Variants in PARD3B observed in about 807,000 individuals in gnomAD.
The protein encoded by PARD3B is partitioning defective 3 homolog B.
PARD3B carries 103 observed loss-of-function variants against 130.2 expected under a neutral mutation model. The ratio of observed to expected loss-of-function variants is 0.79; its 90% CI spans 0.67 to 0.93. PARD3B has a LOEUF of 0.93. PARD3B is among the 40% of genes least tolerant of loss of function. PARD3B has a pLI of 0.00. For missense variants in PARD3B, 1,609 were observed against 1,499.2 expected, an observed-to-expected ratio of 1.07 and a Z score of -1.21; for synonymous variants, 583 against 553.2, an observed-to-expected ratio of 1.05 and a Z score of -0.76.
rs1225208073 is a variant in PARD3B, at chr2:205,470,889, T to A, written c.3045-29007T>A. 6.6e-6 allele frequency among the ~76,000 whole-genome samples: 1 copy of A among 152,234 alleles called. No individual in the cohort carries two copies. The highest frequency in any genetic ancestry group is 6.5e-5 in the Admixed American group (1 of 15,282). ...GACAAGTAGACATGGAAGGATACTT[T>A]AAAACAAAGTGTGTTTTCAAGTGTT... is the stretch of plus-strand genomic sequence containing the variant. On this transcript the variant is annotated intron_variant, in intron 20 of 22. Transcript: ENST00000406610. The surrounding 1 kb of genome is among the most constrained non-coding windows in gnomAD (Gnocchi z 4.8).
intron 1 of PARD3B, among the ~76,000 whole-genome samples, chr2:204,624,743 A>G (rs528375219): frequency 2.7e-4 from 41 of 152,270 alleles, no homozygotes; most frequent in Non-Finnish European, 5.3e-4. Flanking sequence ...CTCTGAGATA[A>G]AGGCCCAGGG....
chr2:204,927,048 G>C (rs1687673996), intron 2 of PARD3B, among the ~76,000 whole-genome samples: 1 of 152,056 alleles, frequency 6.6e-6, no homozygotes, highest in African/African-American at 2.4e-5. Context: ...CCAAAGATGG[G>C]ATTAGAAAAA....
intron 2 of PARD3B, among the ~76,000 whole-genome samples, chr2:204,909,845 T>C (rs2047170855): frequency 6.6e-6 from 1 of 152,230 alleles, no homozygotes; most frequent in Admixed American, 6.5e-5. Flanking sequence ...ATTAATACAA[T>C]ATTTCCTTTA....
At chr2:205,224,426 C>T (rs1358256301) in intron 15 of PARD3B, among the ~76,000 whole-genome samples, 1 of 131,438 alleles carries the variant, frequency 7.6e-6, no homozygotes, top group Non-Finnish European at 1.6e-5. Flanking sequence ...AAAAAAAGTA[C>T]AATAAATTAT....
chr2:205,593,562 T>G (rs925294032), intron 22 of PARD3B, among the ~76,000 whole-genome samples: 3 of 152,182 alleles, frequency 2.0e-5, no homozygotes, highest in African/African-American at 7.2e-5. Flanking sequence ...ATAAAACAAT[T>G]AAAGGGCTAG....
At chr2:205,030,393 T>C (rs755223252) in intron 3 of PARD3B, among the ~76,000 whole-genome samples, 5 of 152,172 alleles carry the variant, frequency 3.3e-5, no homozygotes, top group Non-Finnish European at 7.3e-5. Flanking sequence ...ATTGAGTTGT[T>C]TGAATGCTGA....
intron 2 of PARD3B, among the ~76,000 whole-genome samples, chr2:204,833,398 G>C (rs181452460): frequency 6.0e-4 from 92 of 152,166 alleles, no homozygotes; most frequent in Middle Eastern, 6.8e-3. Context: ...CTGCTTCCCA[G>C]ATCAATATTG....
At position 205,585,248 on chromosome 2, in the gene PARD3B, C is replaced by T. The variant is rs79874822; in HGVS notation, c.3261-30208C>T. Reference sequence around the variant, plus strand: ...GAGATGAAAATGTGTATGCCCTATCCCACAAAGTAAATGCTGTCTTGGGCT... The same window carrying T: ...GAGATGAAAATGTGTATGCCCTATCTCACAAAGTAAATGCTGTCTTGGGCT... On this transcript the variant is annotated intron_variant, in intron 22 of 22. Coordinates refer to ENST00000406610, the MANE Select transcript of PARD3B (RefSeq NM_001302769.2). This position sits in a 1 kb window ranked among gnomAD's most constrained non-coding sequence, Gnocchi z 5.4. Among the ~76,000 whole-genome samples, 788 of 152,222 alleles carry T rather than the reference C, an allele frequency of 5.2e-3. 2 individuals carry two copies. The highest frequency in any genetic ancestry group is 0.01 in the Middle Eastern group (3 of 294).
chr2:205,418,537 A>G (rs1188850597), intron 19 of PARD3B, among the ~76,000 whole-genome samples: 2 of 152,210 alleles, frequency 1.3e-5, no homozygotes, highest in Non-Finnish European at 2.9e-5. Context: ...CCATGAGAAA[A>G]TAGTGTTGTA....
chr2:205,529,512 T>G (rs138108126), intron 21 of PARD3B, among the ~76,000 whole-genome samples: 109 of 152,302 alleles, frequency 7.2e-4, no homozygotes, highest in Middle Eastern at 3.4e-3. Flanking sequence ...TTTTTTTCTT[T>G]GCTTACTTTT....
Position 204,980,003 on chromosome 2 carries a change from A to G in PARD3B, c.394+14680A>G, listed in dbSNP as rs182447018. ...ATTTTGATAAATTGGGTTATGTGCA[A>G]TAAAGAACTTCTGTTCATTAAAAGA... On this transcript the variant is annotated intron_variant, in intron 3 of 22. Transcript: ENST00000406610. Among the ~76,000 whole-genome samples the G allele has an allele frequency of 4.8e-3, 730 of 152,304 alleles. 1 individual carries two copies. Among genetic ancestry groups the G allele is most frequent in the Middle Eastern group, 0.01 (3 of 294 alleles).
intron 18 of PARD3B, among the ~76,000 whole-genome samples, chr2:205,360,949 T>C (rs1254956943): frequency 3.3e-5 from 5 of 152,172 alleles, no homozygotes; most frequent in African/African-American, 1.2e-4. Context: ...ATGATAGTTC[T>C]CCCTTTCTAA....
At chr2:204,565,199 G>A (rs1163449185) in intron 1 of PARD3B, among the ~76,000 whole-genome samples, 2 of 152,198 alleles carry the variant, frequency 1.3e-5, no homozygotes, top group Non-Finnish European at 2.9e-5. Context: ...TTCTTGTCAT[G>A]TGGGCTTTCT....
chr2:205,051,603 T>G (rs1699196664), intron 4 of PARD3B, among the ~76,000 whole-genome samples: 1 of 152,214 alleles, frequency 6.6e-6, no homozygotes, highest in African/African-American at 2.4e-5. Context: ...AGGCTTACTG[T>G]AGAGGGAAGA....
At chr2:204,982,572 A>G (rs1559324545) in intron 3 of PARD3B, among the ~76,000 whole-genome samples, 1 of 152,234 alleles carries the variant, frequency 6.6e-6, no homozygotes, top group East Asian at 1.9e-4. Flanking sequence ...ATTGCTTTGC[A>G]GCATCGTGAA....
At chr2:204,941,903 G>A (rs1202712393) in intron 2 of PARD3B, among the ~76,000 whole-genome samples, 4 of 151,952 alleles carry the variant, frequency 2.6e-5, no homozygotes, top group South Asian at 2.1e-4. Context: ...ATAACCACTA[G>A]AATATTTGGT....
intron 2 of PARD3B, among the ~76,000 whole-genome samples, chr2:204,743,675 GT>G (rs796181355): frequency 2.6e-5 from 4 of 151,512 alleles, no homozygotes; most frequent in Admixed American, 2.6e-4. Flanking sequence ...GGCCTTTCAA[GT>G]TTTTTTTTCC....
intron 15 of PARD3B, among the ~76,000 whole-genome samples, chr2:205,193,665 A>G (rs1360944951): frequency 6.6e-6 from 1 of 152,164 alleles, no homozygotes; most frequent in Non-Finnish European, 1.5e-5. Flanking sequence ...CTGCCAGGGC[A>G]TTTCCACTCT....
At chr2:205,447,944 C>T (rs2106184847) in intron 20 of PARD3B, among the ~76,000 whole-genome samples, 1 of 152,314 alleles carries the variant, frequency 6.6e-6, no homozygotes, top group Non-Finnish European at 1.5e-5. Flanking sequence ...AGCATCTAAG[C>T]CTCATTAACA....
Sources: allele counts gnomAD v4.1 joint callset (sites outside exome capture counted in the v4.1 genomes callset), GRCh38; gene constraint gnomAD v4.1.1; non-coding constraint Gnocchi (gnomAD v3.1); transcripts MANE v1.5; gene names NCBI Gene and HGNC (gene_info 2026-07-23, HGNC 2026-07-21).